Variants in SEC14L1 observed in about 807,000 individuals in gnomAD.
SEC14L1 encodes the protein SEC14 like lipid binding 1.
A neutral mutation model predicts 85.3 loss-of-function variants in SEC14L1; 48 were observed. That is an observed-to-expected ratio of 0.56 (90% CI 0.45 to 0.72). The LOEUF (loss-of-function observed/expected upper bound fraction) is 0.72, where lower values mean the gene tolerates loss of function less well. Among genes scored for constraint, SEC14L1 ranks in the 30% least tolerant of loss-of-function variants. SEC14L1 has a pLI of 0.00. For missense variants in SEC14L1, 682 were observed against 921.4 expected, an observed-to-expected ratio of 0.74 and a Z score of 3.36; for synonymous variants, 391 against 355.5, an observed-to-expected ratio of 1.10 and a Z score of -1.12.
At chr17:77,123,080 T>C (rs921463294) in intron 3 of SEC14L1, among the ~76,000 whole-genome samples, 2 of 151,534 alleles carry the variant, frequency 1.3e-5, no homozygotes, top group Admixed American at 1.3e-4. Context: ...AGATGGAGTC[T>C]CACTCTATTG....
chr17:77,169,007 C>CTTTTTTTTTTTTTTTTTTTTTTT (rs71160208), intron 3 of SEC14L1, among the ~76,000 whole-genome samples: 1 of 77,832 alleles, frequency 1.3e-5, no homozygotes, highest in Admixed American at 1.6e-4. Flanking sequence ...TGAGGAGCAT[C>CTTTTTTTTTTTTTTTTTTTTTTT]TTTTTTTTTT....
At chr17:77,143,942 C>G (rs532022143) in intron 3 of SEC14L1, 106 of 300,100 alleles carry the variant, frequency 3.5e-4, no homozygotes, top group African/African-American at 2.0e-3. Context: ...GCACTTCTTC[C>G]TCGGGGTTGT....
chr17:77,145,863 C>CT (rs1973278065), intron 3 of SEC14L1, among the ~76,000 whole-genome samples: 1 of 152,188 alleles, frequency 6.6e-6, no homozygotes. Flanking sequence ...CTGGAGCCTT[C>CT]TACCCCGCCA....
At chr17:77,204,529 T>A (rs868728205) in intron 10 of SEC14L1, among the ~76,000 whole-genome samples, 1,706 of 145,812 alleles carry the variant, frequency 0.012, 34 homozygotes, top group South Asian at 0.048. Flanking sequence ...CAGCTTTTTT[T>A]TTTTTTTTTT....
At chr17:77,112,190 C>T (rs910294582) in intron 3 of SEC14L1, among the ~76,000 whole-genome samples, 1 of 152,108 alleles carries the variant, frequency 6.6e-6, no homozygotes, top group African/African-American at 2.4e-5. Flanking sequence ...TCCCCTTTGC[C>T]TTCCACCATG....
intron 3 of SEC14L1, among the ~76,000 whole-genome samples, chr17:77,104,708 T>C (rs138418243): frequency 0.031 from 4,667 of 150,260 alleles, 252 homozygotes; most frequent in African/African-American, 0.11. Flanking sequence ...GGAGAATCGC[T>C]TGAACCCAGG....
intron 3 of SEC14L1, among the ~76,000 whole-genome samples, chr17:77,156,188 C>G (rs1268336512): frequency 6.6e-6 from 1 of 152,154 alleles, no homozygotes. Context: ...CTGTAGGGTC[C>G]TGACACTCCA....
chr17:77,181,575 C>T (rs1975039743), intron 3 of SEC14L1, among the ~76,000 whole-genome samples: 1 of 152,178 alleles, frequency 6.6e-6, no homozygotes, highest in South Asian at 2.1e-4. Context: ...CCATGCCCAG[C>T]TAATTTTGTA....
chr17:77,176,474 G>A (rs975430825), intron 3 of SEC14L1, among the ~76,000 whole-genome samples: 4 of 152,198 alleles, frequency 2.6e-5, no homozygotes, highest in Admixed American at 6.5e-5. Flanking sequence ...GTCTGCCTAG[G>A]CATTTGTCTG....
chr17:77,191,263 A>G lies in SEC14L1; in HGVS notation c.296A>G (p.Asn99Ser). 1 of 1,614,178 alleles carries G rather than the reference A, an allele frequency of 6.2e-7. No individual in the cohort carries two copies. Among genetic ancestry groups the G allele is most frequent in the Non-Finnish European group, 8.5e-7 (1 of 1,180,010 alleles). Reference sequence around the variant, plus strand: ...CGTACTTTGCACATTGAGGCTTATAATGAAACGTTTTCCAATCGGGTCATC... The same window carrying G: ...CGTACTTTGCACATTGAGGCTTATAGTGAAACGTTTTCCAATCGGGTCATC... ...RERTLHIEAY[N>S]ETFSNRVIIN... The change falls in exon 5 of 17, where the codon AAT becomes AGT. Residue 99 changes from asparagine to serine, a missense_variant. Asn to Ser is a conservative substitution (Grantham distance 46, BLOSUM62 1). Around this residue, in one of 3 missense-constraint regions of SEC14L1, gnomAD observed 139 missense variants for 201.3 expected, o/e 0.69. Coordinates refer to ENST00000436233, the MANE Select transcript of SEC14L1 (RefSeq NM_001143998.2).
chr17:77,195,563 G>T (rs924017601), intron 7 of SEC14L1, among the ~76,000 whole-genome samples: 14 of 152,056 alleles, frequency 9.2e-5, no homozygotes. Flanking sequence ...TCTCGGCTCA[G>T]TGCAGCCTTC....
chr17:77,092,438 T>C (rs1253774196), intron 2 of SEC14L1, among the ~76,000 whole-genome samples: 1 of 151,962 alleles, frequency 6.6e-6, no homozygotes, highest in Non-Finnish European at 1.5e-5. Flanking sequence ...TCTGCTGAAA[T>C]GTGACAAAAG....
intron 8 of SEC14L1, among the ~76,000 whole-genome samples, chr17:77,197,347 GCCAA>G (rs1315361692): frequency 1.3e-5 from 2 of 152,192 alleles, no homozygotes; most frequent in Non-Finnish European, 2.9e-5. Context: ...ATTCAGGGAG[GCCAA>G]CCTGTTGATT....
At chr17:77,123,904 A>G (rs28636029) in intron 3 of SEC14L1, among the ~76,000 whole-genome samples, 22,865 of 152,202 alleles carry the variant, frequency 0.15, 2,526 homozygotes, top group African/African-American at 0.32. Flanking sequence ...TCTATGGCAG[A>G]TTATTTTATA....
At chr17:77,155,315 A>C (rs1404152900) in intron 3 of SEC14L1, among the ~76,000 whole-genome samples, 1 of 152,038 alleles carries the variant, frequency 6.6e-6, no homozygotes, top group African/African-American at 2.4e-5. Context: ...AACAGAAACA[A>C]ACACACACCC....
At chr17:77,098,292 A>T (rs546485049) in intron 3 of SEC14L1, among the ~76,000 whole-genome samples, 2 of 152,226 alleles carry the variant, frequency 1.3e-5, no homozygotes, top group South Asian at 4.1e-4. Context: ...TGAGGTCAGG[A>T]GTTCGAAACC....
chr17:77,120,504 T>A (rs1315493944), intron 3 of SEC14L1, among the ~76,000 whole-genome samples: 1 of 151,780 alleles, frequency 6.6e-6, no homozygotes, highest in Admixed American at 6.6e-5. Context: ...TTTAATGAAG[T>A]CTTGCTCTGT....
intron 3 of SEC14L1, among the ~76,000 whole-genome samples, chr17:77,179,092 A>C (rs928357241): frequency 6.6e-6 from 1 of 152,172 alleles, no homozygotes; most frequent in African/African-American, 2.4e-5. Flanking sequence ...CTCTTGGAGC[A>C]AAGGAGTGGG....
chr17:77,201,511 C>G (rs1976143149), intron 9 of SEC14L1, among the ~76,000 whole-genome samples: 1 of 149,108 alleles, frequency 6.7e-6, no homozygotes, highest in Admixed American at 6.8e-5. Flanking sequence ...AGTCCAGTGG[C>G]AAGATCTCAG....
Sources: gnomAD v4.1 joint callset for allele counts (sites outside exome capture counted in the v4.1 genomes callset) on GRCh38, gnomAD v4.1.1 for gene constraint, gnomAD v4.1.1 regional missense constraint, MANE v1.5 for transcripts, NCBI Gene and HGNC (gene_info 2026-07-23, HGNC 2026-07-21) for gene names.